Variants in SLC25A48 observed in about 807,000 individuals in gnomAD.
SLC25A48 encodes the protein CTC-321K16.1.
Under a neutral mutation model 32.2 loss-of-function variants are expected in SLC25A48, and 29 were observed. The observed-to-expected ratio is 0.90, with a 90% CI of 0.67 to 1.23. The LOEUF (loss-of-function observed/expected upper bound fraction) is 1.23. Among genes scored for constraint, SLC25A48 ranks in the 50% most tolerant of loss-of-function variants. SLC25A48 has a pLI of 0.00. For synonymous variants in SLC25A48, 164 were observed against 172.3 expected, an observed-to-expected ratio of 0.95 and a Z score of 0.38; for missense variants, 399 against 422.7, an observed-to-expected ratio of 0.94 and a Z score of 0.49.
At chr5:135,722,765 G>A (rs145183201) in intron 3 of SLC25A48, among the ~76,000 whole-genome samples, 103 of 152,360 alleles carry the variant, frequency 6.8e-4, no homozygotes, top group African/African-American at 2.4e-3. Flanking sequence ...ATCATTGTCC[G>A]GACAGTTAGG....
intron 1 of SLC25A48, among the ~76,000 whole-genome samples, chr5:135,599,304 C>T (rs565564723): frequency 6.6e-6 from 1 of 152,294 alleles, no homozygotes; most frequent in African/African-American, 2.4e-5. Context: ...GAACTGCTAT[C>T]TGAGTCTGTG....
chr5:135,886,638 A>ATAT (rs1169881576), intron 7 of SLC25A48, among the ~76,000 whole-genome samples: 1 of 29,016 alleles, frequency 3.4e-5, no homozygotes, highest in Non-Finnish European at 6.1e-5. Flanking sequence ...TATATATATA[A>ATAT]AATATATATA....
At chr5:135,809,455 G>C (rs1427494876) in intron 3 of SLC25A48, among the ~76,000 whole-genome samples, 2 of 152,144 alleles carry the variant, frequency 1.3e-5, no homozygotes, top group Admixed American at 1.3e-4. Flanking sequence ...GCCTTCTGAG[G>C]CTCAAGATCC....
intron 4 of SLC25A48, among the ~76,000 whole-genome samples, chr5:135,865,843 G>A (rs1761158982): frequency 6.6e-6 from 1 of 152,184 alleles, no homozygotes; most frequent in Non-Finnish European, 1.5e-5. Context: ...GTACTTTTAA[G>A]AGTTCGTGGA....
chr5:135,778,952 A>G (rs1756647421), intron 3 of SLC25A48, among the ~76,000 whole-genome samples: 1 of 150,370 alleles, frequency 6.7e-6, no homozygotes, highest in African/African-American at 2.4e-5. Context: ...TTAGTTCTCA[A>G]GGGGGGAGAG....
At chr5:135,856,562 C>CTGCCCCAAGGCTGTGTGTCACA (rs1242077602) in intron 4 of SLC25A48, among the ~76,000 whole-genome samples, 5 of 152,334 alleles carry the variant, frequency 3.3e-5, no homozygotes, top group African/African-American at 1.2e-4. Flanking sequence ...TGAGGCCTGG[C>CTGCCCCAAGGCTGTGTGTCACA]TGCCCCAAGG....
intron 1 of SLC25A48, among the ~76,000 whole-genome samples, chr5:135,605,048 T>G (rs945353829): frequency 1.3e-5 from 2 of 152,258 alleles, no homozygotes; most frequent in East Asian, 1.9e-4. Flanking sequence ...AAAATGCTTT[T>G]AAGTAATTTT....
chr5:135,760,468 C>T (rs1756036455), intron 3 of SLC25A48, among the ~76,000 whole-genome samples: 1 of 152,150 alleles, frequency 6.6e-6, no homozygotes, highest in South Asian at 2.1e-4. Context: ...AGTTACAGGG[C>T]TGCTGTGGAG....
chr5:135,639,153 T>A (rs1219260657), intron 3 of SLC25A48, among the ~76,000 whole-genome samples: 1 of 152,196 alleles, frequency 6.6e-6, no homozygotes, highest in East Asian at 1.9e-4. Flanking sequence ...GCATTCAATA[T>A]GTTCTTTTGG....
At chr5:135,580,455 G>A (rs1751206453) in intron 1 of SLC25A48, among the ~76,000 whole-genome samples, 1 of 152,136 alleles carries the variant, frequency 6.6e-6, no homozygotes, top group Non-Finnish European at 1.5e-5. Flanking sequence ...TGGATGATGG[G>A]GACAGTCTGC....
chr5:135,606,570 G>A (rs757515899), intron 1 of SLC25A48, among the ~76,000 whole-genome samples: 7 of 152,158 alleles, frequency 4.6e-5, no homozygotes, highest in Non-Finnish European at 8.8e-5. Flanking sequence ...ACCAAGACTG[G>A]AGAAGGTTAA....
chr5:135,652,259 C>G, intron 3 of SLC25A48: 1 of 409,790 alleles, frequency 2.4e-6, no homozygotes, highest in Non-Finnish European at 4.9e-6. Flanking sequence ...AGACAGTCAC[C>G]TGGTGGCAGA....
chr5:135,654,608 G>A (rs1161957675), intron 3 of SLC25A48, among the ~76,000 whole-genome samples: 1 of 152,206 alleles, frequency 6.6e-6, no homozygotes, highest in Non-Finnish European at 1.5e-5. Context: ...AGTCTGTGGT[G>A]ATGGTTGATT....
At position 135,645,948 on chromosome 5, in the gene SLC25A48, T is replaced by C. The variant is rs991988339; in HGVS notation, c.-521+10992T>C. Among the ~76,000 whole-genome samples the C allele has an allele frequency of 6.6e-4, 100 of 152,304 alleles. 5 individuals are homozygous for C. Among genetic ancestry groups the C allele is most frequent in the Admixed American group, 6.5e-4 (10 of 15,308 alleles). On this transcript the variant is annotated intron_variant, in intron 3 of 10. Transcript: ENST00000646290. ...AAGAGAATAGGGCCAAGGGATTGCA[T>C]TGATGGGCATGACCAGGCAATAAGA...
At chr5:135,878,188 G>A (rs1254187012) in intron 6 of SLC25A48, among the ~76,000 whole-genome samples, 1 of 152,194 alleles carries the variant, frequency 6.6e-6, no homozygotes, top group Non-Finnish European at 1.5e-5. Context: ...AGCTGCTGGA[G>A]GGTGAGCTGT....
At chr5:135,767,671 T>C (rs1336836525) in intron 3 of SLC25A48, among the ~76,000 whole-genome samples, 1 of 151,528 alleles carries the variant, frequency 6.6e-6, no homozygotes, top group Non-Finnish European at 1.5e-5. Context: ...AAAAGGATGA[T>C]ATTACTCCTA....
intron 3 of SLC25A48, among the ~76,000 whole-genome samples, chr5:135,728,073 C>T (rs934005100): frequency 2.0e-5 from 3 of 151,974 alleles, no homozygotes; most frequent in Non-Finnish European, 4.4e-5. Context: ...CCTGGCCAAC[C>T]TGGTGAAACC....
chr5:135,801,288 T>A (rs990813852), intron 3 of SLC25A48, among the ~76,000 whole-genome samples: 14 of 151,192 alleles, frequency 9.3e-5, no homozygotes, highest in African/African-American at 3.2e-4. Context: ...ATGATATTAC[T>A]TCCAATATCG....
chr5:135,691,571 G>T (rs1754144493), intron 3 of SLC25A48, among the ~76,000 whole-genome samples: 1 of 152,164 alleles, frequency 6.6e-6, no homozygotes, highest in Non-Finnish European at 1.5e-5. Flanking sequence ...AGGACTGAGG[G>T]GTATCCTGGA....
Sources: allele counts gnomAD v4.1 joint callset (sites outside exome capture counted in the v4.1 genomes callset), GRCh38; gene constraint gnomAD v4.1.1; transcripts MANE v1.5; gene names NCBI Gene and HGNC (gene_info 2026-07-23, HGNC 2026-07-21).